Variants in HTR2A observed in about 807,000 individuals in gnomAD.
HTR2A encodes 5-hydroxytryptamine receptor 2A.
In HTR2A, 14 loss-of-function variants were observed where a neutral mutation model predicts 31.0. The observed-to-expected ratio is 0.45, with a 90% CI of 0.30 to 0.71. The LOEUF (loss-of-function observed/expected upper bound fraction) is 0.71. Ranked by LOEUF, HTR2A falls within the 30% of genes least tolerant of loss-of-function variation. HTR2A has a pLI of 0.09. For synonymous variants in HTR2A, 209 were observed against 225.2 expected (o/e 0.93, Z 0.64); for missense variants, 442 against 573.3 (o/e 0.77, Z 2.34).
At position 46,892,494 on chromosome 13, in the gene HTR2A, G is replaced by A. The variant is rs1201998699; in HGVS notation, c.509C>T (p.Ser170Leu). Reference sequence around the variant, plus strand: ...CTGGATGGCGACGTAGCGGTCCAGCGAGATGGCGCAGAGGTGCATGATGGA... The same window carrying A: ...CTGGATGGCGACGTAGCGGTCCAGCAAGATGGCGCAGAGGTGCATGATGGA... Reference protein sequence around the residue: ...TASIMHLCAISLDRYVAIQNP... With the variant: ...TASIMHLCAILLDRYVAIQNP... Residue 170 changes from serine (S) to leucine (L), a missense_variant, in exon 3 of 4, where the codon TCG (serine) becomes TTG (leucine). Transcript: ENST00000542664. 2 of 1,614,222 alleles carry A rather than the reference G, an allele frequency of 1.2e-6. No homozygotes were observed. The highest frequency in any genetic ancestry group is 1.7e-6 in the Non-Finnish European group (2 of 1,180,032).
chr13:46,835,689 G>A lies in HTR2A; in HGVS notation c.614-50C>T, dbSNP rs377499665. On this transcript the variant is annotated intron_variant, in intron 3 of 3. Transcript: ENST00000542664. Reference sequence around the variant, plus strand: ...ATGATTATTAAGGAATTAAGTATATGAAGGCAAGAGCATCATCACATAATA... The same window carrying A: ...ATGATTATTAAGGAATTAAGTATATAAAGGCAAGAGCATCATCACATAATA... 1.2e-4 allele frequency: 168 copies of A among 1,351,154 alleles called. 1 individual carries two copies. In the Middle Eastern group the frequency reaches 1.6e-3, roughly 13 times the overall value. 83.7% of individuals were successfully genotyped at this position (1,351,154 alleles called of 1,614,324 possible).
chr13:46,879,336 T>C (rs1593441041), intron 3 of HTR2A, among the ~76,000 whole-genome samples: 1 of 152,216 alleles, frequency 6.6e-6, no homozygotes, highest in African/African-American at 2.4e-5. Flanking sequence ...GAATGAATTG[T>C]TGAAATAGAA....
At chr13:46,865,091 C>T (rs1230375388) in intron 3 of HTR2A, among the ~76,000 whole-genome samples, 1 of 152,154 alleles carries the variant, frequency 6.6e-6, no homozygotes, top group Non-Finnish European at 1.5e-5. Context: ...ATGGGTTAAC[C>T]ATTCATGTCA....
At chr13:46,867,797 G>C (rs1340172765) in intron 3 of HTR2A, among the ~76,000 whole-genome samples, 1 of 152,224 alleles carries the variant, frequency 6.6e-6, no homozygotes, top group Non-Finnish European at 1.5e-5. Context: ...GGCTATTGTA[G>C]TGAATCTCTG....
chr13:46,881,846 C>T (rs1276080468), intron 3 of HTR2A, among the ~76,000 whole-genome samples: 2 of 152,184 alleles, frequency 1.3e-5, no homozygotes, highest in African/African-American at 4.8e-5. Flanking sequence ...GCTGACAGAA[C>T]ACCATCTGGT....
At chr13:46,867,576 T>C (rs1950827695) in intron 3 of HTR2A, among the ~76,000 whole-genome samples, 1 of 152,204 alleles carries the variant, frequency 6.6e-6, no homozygotes, top group Non-Finnish European at 1.5e-5. Flanking sequence ...GATTTTTGAA[T>C]AGTGAATAAT....
At chr13:46,894,303 T>G (rs533351928) in intron 2 of HTR2A, among the ~76,000 whole-genome samples, 2 of 152,208 alleles carry the variant, frequency 1.3e-5, no homozygotes, top group East Asian at 3.9e-4. Context: ...CAGCCTCTGT[T>G]TTGGGTCCCG....
chr13:46,871,568 G>A (rs9316235), intron 3 of HTR2A, among the ~76,000 whole-genome samples: 30,226 of 152,064 alleles, frequency 0.2, 3,508 homozygotes, highest in South Asian at 0.35. Flanking sequence ...TTTCAATAGG[G>A]TCTATGACTT....
At chr13:46,849,570 C>T (rs985601151) in intron 3 of HTR2A, among the ~76,000 whole-genome samples, 2 of 152,148 alleles carry the variant, frequency 1.3e-5, no homozygotes, top group African/African-American at 4.8e-5. Flanking sequence ...GCTTTCTGCT[C>T]CTTCAACCCC....
chr13:46,869,411 TAACA>T (rs745926433), intron 3 of HTR2A, among the ~76,000 whole-genome samples: 1 of 152,144 alleles, frequency 6.6e-6, no homozygotes, highest in Non-Finnish European at 1.5e-5. Flanking sequence ...ATGATGGCTA[TAACA>T]AACACAAGGA....
At chr13:46,871,693 C>A (rs917390566) in intron 3 of HTR2A, among the ~76,000 whole-genome samples, 1 of 145,452 alleles carries the variant, frequency 6.9e-6, no homozygotes, top group Non-Finnish European at 1.6e-5. Flanking sequence ...ATTGGTCAGG[C>A]CAGTAAGAGG....
At chr13:46,894,579 G>A (rs1951086104) in intron 2 of HTR2A, among the ~76,000 whole-genome samples, 1 of 152,172 alleles carries the variant, frequency 6.6e-6, no homozygotes, top group Non-Finnish European at 1.5e-5. Context: ...TAGCCCCTAA[G>A]ACTTGACCAG....
chr13:46,838,366 T>C (rs778007249), intron 3 of HTR2A, among the ~76,000 whole-genome samples: 1 of 152,164 alleles, frequency 6.6e-6, no homozygotes, highest in African/African-American at 2.4e-5. Flanking sequence ...CATACCTTCA[T>C]GCATTTGGTG....
rs757744271 is a variant in HTR2A, at chr13:46,847,720, T to G, written c.614-12081A>C. On this transcript the variant is annotated intron_variant, in intron 3 of 3. Transcript: ENST00000542664. ...TCTCGTCCTGATCAGCTGACACTAT[T>G]TGTACCACGAGGCCCAAACAACTTT... 4.1e-4 allele frequency among the ~76,000 whole-genome samples: 62 copies of G among 152,318 alleles called. 1 individual carries two copies. The Middle Eastern group carries it at 0.024, about 58-fold the overall frequency.
intron 3 of HTR2A, among the ~76,000 whole-genome samples, chr13:46,863,655 A>AG (rs1168164561): frequency 1.6e-5 from 2 of 122,498 alleles, no homozygotes; most frequent in East Asian, 2.5e-4. Flanking sequence ...AAAAAGAAAA[A>AG]AAAAAAAGAC....
At chr13:46,875,908 A>G (rs1189107807) in intron 3 of HTR2A, among the ~76,000 whole-genome samples, 1 of 152,228 alleles carries the variant, frequency 6.6e-6, no homozygotes, top group Non-Finnish European at 1.5e-5. Flanking sequence ...GACAATTTTG[A>G]TGATTGACAA....
chr13:46,836,423 C>T (rs141212279), intron 3 of HTR2A, among the ~76,000 whole-genome samples: 15 of 152,292 alleles, frequency 9.8e-5, no homozygotes, highest in African/African-American at 3.4e-4. Context: ...CAGTACTTTA[C>T]ATGCAGTACT....
chr13:46,868,270 A>T (rs1262154007), intron 3 of HTR2A, among the ~76,000 whole-genome samples: 1 of 152,218 alleles, frequency 6.6e-6, no homozygotes, highest in Non-Finnish European at 1.5e-5. Context: ...AGCTGAATGG[A>T]ATTACTGAAG....
intron 3 of HTR2A, among the ~76,000 whole-genome samples, chr13:46,855,015 G>A (rs889426866): frequency 4.6e-5 from 7 of 152,174 alleles, no homozygotes; most frequent in Non-Finnish European, 1.5e-5. Context: ...GATGAAGGCA[G>A]AGATTGGGAG....
Sources: allele counts gnomAD v4.1 joint callset (sites outside exome capture counted in the v4.1 genomes callset), GRCh38; gene constraint gnomAD v4.1.1; transcripts MANE v1.5; gene names NCBI Gene and HGNC (gene_info 2026-07-23, HGNC 2026-07-21).